Variants in UBXN2B observed in about 807,000 individuals in gnomAD.
The protein encoded by UBXN2B is UBX domain protein 2B.
UBXN2B carries 19 observed loss-of-function variants against 37.5 expected under a neutral mutation model. The observed-to-expected ratio is 0.51, with a 90% CI of 0.35 to 0.74. The LOEUF (loss-of-function observed/expected upper bound fraction) is 0.74. UBXN2B is among the 30% of genes least tolerant of loss of function. The probability of loss-of-function intolerance (pLI) is 0.01; values close to 1 mark genes in which losing one functional copy is unlikely to be tolerated. For missense variants in UBXN2B, 370 were observed against 393.2 expected (o/e 0.94, Z 0.50); for synonymous variants, 145 against 143.8 (o/e 1.01, Z -0.06).
rs926599510 is a variant in UBXN2B at position 58,430,502 on chromosome 8, A to G, written c.189-17A>G. 1 of 1,491,470 alleles carries G rather than the reference A, an allele frequency of 6.7e-7. No homozygotes were observed. The highest frequency in any genetic ancestry group is 1.4e-5 in the South Asian group (1 of 69,026). The allele number at this position is 1,491,470 out of a possible 1,614,324, so 92.4% of individuals were successfully genotyped here. A position where few individuals can be genotyped will look rare whatever the true frequency, so the allele number is the denominator to read the frequency against. ...CTGTTATCCTAAGTTTTTATTCATG[A>G]ACTAAAATGTTTAAAGGTTTTACTC... is the stretch of plus-strand genomic sequence containing the variant. On this transcript the variant is annotated splice_polypyrimidine_tract_variant and intron_variant, in intron 2 of 7. Transcript: ENST00000399598.
At chr8:58,435,040 C>T (rs1808376597) in intron 5 of UBXN2B, 1 of 1,463,174 alleles carries the variant, frequency 6.8e-7, no homozygotes, top group Non-Finnish European at 9.0e-7. Flanking sequence ...GCTCTTCTTG[C>T]TAAAGGATGA....
At chr8:58,440,311 A>G (rs1672679101) in intron 6 of UBXN2B, among the ~76,000 whole-genome samples, 1 of 152,262 alleles carries the variant, frequency 6.6e-6, no homozygotes, top group South Asian at 2.1e-4. Flanking sequence ...TGCCATCAGT[A>G]ATGACCAAAC....
At chr8:58,426,831 G>C in intron 2 of UBXN2B, 2 of 573,850 alleles carry the variant, frequency 3.5e-6, no homozygotes, top group South Asian at 3.1e-5. Flanking sequence ...CCCCCTCCAG[G>C]CCTGGGGATC....
chr8:58,418,619 A>T (rs1783343359), intron 2 of UBXN2B, among the ~76,000 whole-genome samples: 1 of 152,218 alleles, frequency 6.6e-6, no homozygotes, highest in Non-Finnish European at 1.5e-5. Flanking sequence ...AACAGGAGTC[A>T]TAATTTCAGG....
At chr8:58,446,119 G>C in intron 7 of UBXN2B, 51 bp downstream of exon 7, 1 of 1,509,442 alleles carries the variant, frequency 6.6e-7, no homozygotes, top group South Asian at 1.3e-5. Context: ...ACACTGGATT[G>C]CTTATCTAAG....
At chr8:58,441,050 T>G (rs949652519) in intron 6 of UBXN2B, among the ~76,000 whole-genome samples, 2 of 151,482 alleles carry the variant, frequency 1.3e-5, no homozygotes, top group African/African-American at 4.9e-5. Flanking sequence ...TGGAGTACAG[T>G]GGTGTAGTCA....
chr8:58,425,460 G>T, intron 2 of UBXN2B: 1 of 1,128,908 alleles, frequency 8.9e-7, no homozygotes, highest in South Asian at 1.2e-5. Context: ...TTGCATTGAT[G>T]TCATCTGAAA....
chr8:58,436,582 C>T (rs545657868), intron 5 of UBXN2B, among the ~76,000 whole-genome samples: 6 of 152,302 alleles, frequency 3.9e-5, no homozygotes, highest in African/African-American at 1.4e-4. Context: ...GAAATGTGAC[C>T]TCCACTGTTG....
Position 58,424,822 on chromosome 8 carries a change from G to A in UBXN2B, c.189-5697G>A, listed in dbSNP as rs190334400. 2.6e-3 allele frequency: 3,737 copies of A among 1,435,688 alleles called. 12 individuals are homozygous for A. The highest frequency in any genetic ancestry group is 2.9e-3 in the Non-Finnish European group (2,959 of 1,018,428). 88.9% of individuals were successfully genotyped at this position (1,435,688 alleles called of 1,614,324 possible). A position where few individuals can be genotyped will look rare whatever the true frequency, so the allele number is the denominator to read the frequency against. On this transcript the variant is annotated intron_variant, in intron 2 of 7. Transcript: ENST00000399598. ...TAGTGTTTCAGTATAATGCTGGACC[G>A]CCATATAGATAAATCGGTACTGTGT...
At position 58,448,911 on chromosome 8, in the gene UBXN2B, C is replaced by A. The variant is rs990044772; in HGVS notation, c.*1360C>A. 6.6e-6 allele frequency: 1 copy of A among 152,160 alleles called. No homozygotes were observed. The highest frequency in any genetic ancestry group is 1.5e-5 in the Non-Finnish European group (1 of 68,022). 9.4% of individuals were successfully genotyped at this position (152,160 alleles called of 1,614,324 possible). On this transcript the variant is annotated 3_prime_UTR_variant, in exon 8 of 8. Transcript: ENST00000399598. Reference sequence around the variant, plus strand: ...GGTTAGGAGTCCAGGTTAAGAGTTTCGCGGTGCCAAGATCAATTTGTTGGC... The same window carrying A: ...GGTTAGGAGTCCAGGTTAAGAGTTTAGCGGTGCCAAGATCAATTTGTTGGC...
chr8:58,411,493 G>C (rs1028815458), intron 1 of UBXN2B, 24 bp downstream of exon 1: 2 of 1,248,356 alleles, frequency 1.6e-6, no homozygotes, highest in Non-Finnish European at 1.0e-6. Flanking sequence ...CCGGGGGAGG[G>C]AGCGCGGCGG....
intron 3 of UBXN2B, among the ~76,000 whole-genome samples, chr8:58,432,094 A>G (rs1231798550): frequency 6.6e-6 from 1 of 152,204 alleles, no homozygotes; most frequent in Non-Finnish European, 1.5e-5. Flanking sequence ...AACTTGGATA[A>G]AGTCCAATTT....
chr8:58,439,808 C>A, intron 6 of UBXN2B, 38 bp downstream of exon 6: 2 of 1,559,268 alleles, frequency 1.3e-6, no homozygotes, highest in South Asian at 2.4e-5. Context: ...CTTTGTTGAA[C>A]ATGAATTTTT....
intron 1 of UBXN2B, among the ~76,000 whole-genome samples, chr8:58,415,200 T>TA (rs1807744141): frequency 6.6e-6 from 1 of 152,062 alleles, no homozygotes; most frequent in African/African-American, 2.4e-5. Context: ...GAAAAAAAGA[T>TA]ATTAAGAAGA....
chr8:58,429,075 C>T (rs754892915), intron 2 of UBXN2B, among the ~76,000 whole-genome samples: 3 of 152,102 alleles, frequency 2.0e-5, no homozygotes, highest in South Asian at 2.1e-4. Context: ...AACCGTTAAC[C>T]GTAAAGGAGA....
chr8:58,441,745 TAACAG>T (rs1316370260), intron 6 of UBXN2B, among the ~76,000 whole-genome samples: 1 of 151,838 alleles, frequency 6.6e-6, no homozygotes, highest in Non-Finnish European at 1.5e-5. Context: ...ATAGAGAAAA[TAACAG>T]AAAAGAAAGG....
At chr8:58,442,927 C>T (rs928935463) in intron 6 of UBXN2B, among the ~76,000 whole-genome samples, 11 of 152,238 alleles carry the variant, frequency 7.2e-5, no homozygotes, top group African/African-American at 2.7e-4. Context: ...TTGACTTCAT[C>T]TGGGGCCCTA....
intron 2 of UBXN2B, among the ~76,000 whole-genome samples, chr8:58,422,358 T>C (rs1807950984): frequency 6.6e-6 from 1 of 152,252 alleles, no homozygotes. Context: ...GGGCTGGATC[T>C]AGGCCTTCCT....
chr8:58,419,747 C>G (rs78959420), intron 2 of UBXN2B, among the ~76,000 whole-genome samples: 1,988 of 152,258 alleles, frequency 0.013, 23 homozygotes, highest in Non-Finnish European at 0.021. Flanking sequence ...GTCACATAAT[C>G]AAAATGACCA....
Sources: allele counts gnomAD v4.1 joint callset (sites outside exome capture counted in the v4.1 genomes callset), GRCh38; gene constraint gnomAD v4.1.1; transcripts MANE v1.5; gene names NCBI Gene and HGNC (gene_info 2026-07-23, HGNC 2026-07-21).